SPATA7: variants seen among roughly 807,000 people sequenced by gnomAD.
The protein encoded by SPATA7 is spermatogenesis-associated protein 7.
A neutral mutation model predicts 51.8 loss-of-function variants in SPATA7; 43 were observed. The observed-to-expected ratio is 0.83, with a 90% CI of 0.65 to 1.07. The LOEUF (loss-of-function observed/expected upper bound fraction) is 1.07, where lower values mean the gene tolerates loss of function less well. Among genes scored for constraint, SPATA7 ranks in the 50% least tolerant of loss-of-function variants. The probability of loss-of-function intolerance (pLI) is 0.00; values close to 1 mark genes in which losing one functional copy is unlikely to be tolerated. For missense variants in SPATA7, 683 were observed against 701.3 expected (o/e 0.97, Z 0.30); for synonymous variants, 230 against 252.8 (o/e 0.91, Z 0.86).
At chr14:88,418,297 A>G (rs993643390) in intron 5 of SPATA7, among the ~76,000 whole-genome samples, 2 of 151,882 alleles carry the variant, frequency 1.3e-5, no homozygotes, top group Non-Finnish European at 1.5e-5. Flanking sequence ...TTGCTGTACT[A>G]TCTCTAATTT....
At chr14:88,390,850 A>C (rs1237972039) in intron 1 of SPATA7, among the ~76,000 whole-genome samples, 1 of 152,154 alleles carries the variant, frequency 6.6e-6, no homozygotes, top group South Asian at 2.1e-4. Context: ...TTTCATGACT[A>C]TCTTTTTTCC....
chr14:88,427,983 G>T, intron 7 of SPATA7: 1 of 259,730 alleles, frequency 3.9e-6, no homozygotes, highest in Non-Finnish European at 7.5e-6. Flanking sequence ...AATACCTTAA[G>T]TATTGTTTTC....
At chr14:88,461,857 A>G (rs1486181449) in intron 4 of SPATA7, among the ~76,000 whole-genome samples, 2 of 152,150 alleles carry the variant, frequency 1.3e-5, no homozygotes, top group Non-Finnish European at 2.9e-5. Context: ...AACCGCAAAC[A>G]GTATGTTTTT....
At chr14:88,386,117 A>G (rs1278463391) in intron 1 of SPATA7, 5 of 1,163,458 alleles carry the variant, frequency 4.3e-6, no homozygotes, top group Non-Finnish European at 4.6e-6. Flanking sequence ...TTAAAACCTC[A>G]GTAGCTCCCA....
chr14:88,426,389 G>C lies in SPATA7; in HGVS notation c.530G>C (p.Ser177Thr). The C allele has an allele frequency of 6.2e-7, 1 of 1,614,194 alleles. No homozygotes were observed. The highest frequency in any genetic ancestry group is 8.5e-7 in the Non-Finnish European group (1 of 1,180,026). Residue 177 changes from serine (S) to threonine (T), a missense_variant, in exon 6 of 12, where the codon AGT (serine) becomes ACT (threonine). Physicochemically the swap from Ser to Thr is moderately conservative, Grantham distance 58. Transcript: ENST00000393545. ...VITNGPEKNS[S>T]SSPSSVDYAA... is the part of the protein sequence containing the mutation. Reference sequence around the variant, plus strand: ...ACAAATGGTCCTGAGAAGAACTCCAGTTCCTCCCCGTCCAGTGTGGATTAT... The same window carrying C: ...ACAAATGGTCCTGAGAAGAACTCCACTTCCTCCCCGTCCAGTGTGGATTAT...
intron 3 of SPATA7, among the ~76,000 whole-genome samples, chr14:88,394,936 A>C (rs1031786429): frequency 1.3e-5 from 2 of 152,092 alleles, no homozygotes; most frequent in Admixed American, 6.6e-5. Context: ...GACTGTTCAA[A>C]TCTTTTACCC....
At chr14:88,455,651 C>G (rs547715187), downstream of SPATA7, among the ~76,000 whole-genome samples, 1 of 151,852 alleles carries the variant, frequency 6.6e-6, no homozygotes, top group Non-Finnish European at 1.5e-5. Flanking sequence ...ATTGATCAGA[C>G]AGTAGCACAT....
downstream of SPATA7, chr14:88,438,500 T>C: frequency 8.7e-7 from 1 of 1,149,456 alleles, no homozygotes; most frequent in Admixed American, 2.0e-5. Flanking sequence ...TGTATAAGAT[T>C]TCTCTATTGG....
At chr14:88,394,947 A>G (rs960133351) in intron 3 of SPATA7, among the ~76,000 whole-genome samples, 11 of 152,084 alleles carry the variant, frequency 7.2e-5, no homozygotes, top group Admixed American at 5.9e-4. Flanking sequence ...TCTTTTACCC[A>G]TTATTAAAAA....
At chr14:88,470,267 G>T in exon 5 of SPATA7, 1 of 563,584 alleles carries the variant, frequency 1.8e-6, no homozygotes, top group Non-Finnish European at 3.1e-6. Flanking sequence ...TAGGTACTGT[G>T]AATATACATA....
intron 4 of SPATA7, among the ~76,000 whole-genome samples, chr14:88,461,696 G>A (rs1036912948): frequency 1.3e-5 from 2 of 152,098 alleles, no homozygotes; most frequent in East Asian, 1.9e-4. Flanking sequence ...GCTTACGCTC[G>A]GTGGGCTGCA....
In SPATA7 at chr14:88,431,238, T is replaced by A; in HGVS notation, c.1082+13T>A. On this transcript the variant is annotated intron_variant, in intron 9 of 11. Coordinates refer to ENST00000393545, the MANE Select transcript of SPATA7 (RefSeq NM_018418.5). Reference sequence around the variant, plus strand: ...AAATCTACTCTGAGTAAGATCTTTTTTAAGTCTTCGTTTTGCATAGTGGAA... The same window carrying A: ...AAATCTACTCTGAGTAAGATCTTTTATAAGTCTTCGTTTTGCATAGTGGAA... The A allele has an allele frequency of 6.2e-7, 1 of 1,611,018 alleles. No individual in the cohort carries two copies. Among genetic ancestry groups the A allele is most frequent in the Non-Finnish European group, 8.5e-7 (1 of 1,177,324 alleles).
At chr14:88,411,184 A>T (rs917411101) in intron 4 of SPATA7, among the ~76,000 whole-genome samples, 3 of 152,040 alleles carry the variant, frequency 2.0e-5, no homozygotes, top group African/African-American at 7.2e-5. Flanking sequence ...GGGAAAAACC[A>T]CCTACTCAAG....
intron 4 of SPATA7, among the ~76,000 whole-genome samples, chr14:88,403,975 A>T (rs760394035): frequency 6.6e-6 from 1 of 152,224 alleles, no homozygotes; most frequent in Non-Finnish European, 1.5e-5. Context: ...ATCATTCACA[A>T]TGTATATCAG....
At chr14:88,423,290 C>T (rs1040567683) in intron 5 of SPATA7, among the ~76,000 whole-genome samples, 1 of 149,318 alleles carries the variant, frequency 6.7e-6, no homozygotes, top group African/African-American at 2.5e-5. Flanking sequence ...GTGATCCCAA[C>T]ACTTTGAGAG....
At chr14:88,405,876 G>A (rs74073673) in intron 4 of SPATA7, among the ~76,000 whole-genome samples, 5,373 of 152,274 alleles carry the variant, frequency 0.035, 310 homozygotes, top group African/African-American at 0.12. Context: ...AGAATTGCTT[G>A]CACTTTTTGT....
At chr14:88,425,934 A>T (rs1252123668) in intron 5 of SPATA7, among the ~76,000 whole-genome samples, 1 of 152,218 alleles carries the variant, frequency 6.6e-6, no homozygotes, top group Non-Finnish European at 1.5e-5. Flanking sequence ...GATAAAACTG[A>T]CATCTCCCAA....
At chr14:88,448,200 C>G (rs1327288653) in intron 3 of SPATA7, among the ~76,000 whole-genome samples, 2 of 152,118 alleles carry the variant, frequency 1.3e-5, no homozygotes, top group Non-Finnish European at 2.9e-5. Context: ...ATTCTTTTTT[C>G]TCTAAACTTC....
intron 1 of SPATA7, among the ~76,000 whole-genome samples, chr14:88,388,754 T>TTAAAA (rs149840144): frequency 0.035 from 5,334 of 151,990 alleles, 303 homozygotes; most frequent in African/African-American, 0.12. Context: ...AATGAATTAA[T>TTAAAA]TAAAAAGATA....
Sources: allele counts gnomAD v4.1 joint callset (sites outside exome capture counted in the v4.1 genomes callset), GRCh38; gene constraint gnomAD v4.1.1; transcripts MANE v1.5; gene names NCBI Gene and HGNC (gene_info 2026-07-23, HGNC 2026-07-21).